The following SEPTIN2 variants were observed in gnomAD, a reference collection of about 807,000 sequenced individuals.
The protein encoded by SEPTIN2 is septin 2.
A neutral mutation model predicts 46.5 loss-of-function variants in SEPTIN2; 34 were observed. The observed-to-expected ratio is 0.73, with a 90% confidence interval of 0.56 to 0.97. SEPTIN2 has a LOEUF of 0.97. SEPTIN2 is among the 50% of genes least tolerant of loss of function. The pLI, the probability that SEPTIN2 is intolerant of heterozygous loss-of-function variation, is 0.00. For synonymous variants in SEPTIN2, 175 were observed against 153.4 expected (o/e 1.14, Z -1.04); for missense variants, 347 against 448.4 (o/e 0.77, Z 2.04).
At chr2:241,329,013 TC>T (rs1312858845) in intron 3 of SEPTIN2, among the ~76,000 whole-genome samples, 1 of 151,782 alleles carries the variant, frequency 6.6e-6, no homozygotes, top group African/African-American at 2.4e-5. Context: ...AGAGTGAAAC[TC>T]CATCTCTCAC....
chr2:241,348,794 T>C (rs2150209007), intron 11 of SEPTIN2, among the ~76,000 whole-genome samples: 1 of 152,310 alleles, frequency 6.6e-6, no homozygotes, highest in South Asian at 2.1e-4. Flanking sequence ...AATATGGAAA[T>C]ATGCTCTGTT....
intron 1 of SEPTIN2, among the ~76,000 whole-genome samples, chr2:241,321,867 G>T (rs2077182652): frequency 6.6e-6 from 1 of 151,366 alleles, no homozygotes; most frequent in Non-Finnish European, 1.5e-5. Flanking sequence ...TGTATTATTT[G>T]AAAACGAGAT....
At chr2:241,316,495 A>G (rs1575096005) in intron 1 of SEPTIN2, 2 of 1,509,220 alleles carry the variant, frequency 1.3e-6, no homozygotes, top group Non-Finnish European at 8.8e-7. Context: ...GGGGAGAGCG[A>G]CTAGGCCCTG....
In SEPTIN2 at chr2:241,348,281, G is replaced by A. The variant is rs551659619; in HGVS notation, c.984+90G>A. ...TTTGCACCATTGCCCAGGCTGGAGTGCAGTGGCGTGATCTCGGCTCACTGC... is the reference window on the plus strand; with the variant it reads ...TTTGCACCATTGCCCAGGCTGGAGTACAGTGGCGTGATCTCGGCTCACTGC... On this transcript the variant is annotated intron_variant, in intron 11 of 12. Coordinates refer to ENST00000391971, the MANE Select transcript of SEPTIN2 (RefSeq NM_004404.5). The A allele has an allele frequency of 3.8e-6, 4 of 1,048,532 alleles. No homozygotes were observed. In the Admixed American group the frequency reaches 6.1e-5, roughly 16 times the overall value. The allele number at this position is 1,048,532 out of a possible 1,614,324, so 65.0% of individuals were successfully genotyped here.
At chr2:241,328,057 AAAG>A (rs2078294115) in intron 3 of SEPTIN2, among the ~76,000 whole-genome samples, 1 of 152,090 alleles carries the variant, frequency 6.6e-6, no homozygotes, top group Admixed American at 6.5e-5. Flanking sequence ...TGTCTCAAGA[AAAG>A]AAAAAAGTAG....
At chr2:241,321,005 T>G (rs2077036054) in intron 1 of SEPTIN2, among the ~76,000 whole-genome samples, 2 of 152,196 alleles carry the variant, frequency 1.3e-5, no homozygotes, top group African/African-American at 4.8e-5. Flanking sequence ...TGGGAGTTAC[T>G]TTTCATCTTT....
intron 7 of SEPTIN2, among the ~76,000 whole-genome samples, chr2:241,341,975 C>G (rs1342936974): frequency 1.3e-5 from 2 of 152,170 alleles, no homozygotes; most frequent in African/African-American, 4.8e-5. Context: ...CAGCCCAGTT[C>G]TTTCTCCCCT....
chr2:241,317,645 A>C (rs759129592), intron 1 of SEPTIN2: 21 of 760,348 alleles, frequency 2.8e-5, no homozygotes, highest in South Asian at 1.2e-4. Flanking sequence ...CATACATGCC[A>C]CTTATCCCTG....
intron 1 of SEPTIN2, chr2:241,316,771 C>T (rs2076364340): frequency 2.4e-6 from 1 of 411,364 alleles, no homozygotes; most frequent in Non-Finnish European, 4.3e-6. Flanking sequence ...ACACACGAAC[C>T]AACTACACTG....
intron 1 of SEPTIN2, among the ~76,000 whole-genome samples, chr2:241,321,778 C>T (rs558918569): frequency 6.6e-6 from 1 of 152,014 alleles, no homozygotes; most frequent in African/African-American, 2.4e-5. Context: ...CCATATTTTT[C>T]TCTTAATTTG....
At chr2:241,350,616 A>G (rs961466704) in intron 12 of SEPTIN2, among the ~76,000 whole-genome samples, 1 of 152,248 alleles carries the variant, frequency 6.6e-6, no homozygotes, top group African/African-American at 2.4e-5. Context: ...TGTACAGATT[A>G]AAAGTAGAGA....
At chr2:241,326,213 T>A (rs1441076786) in intron 3 of SEPTIN2, 100 bp downstream of exon 3, 3 of 1,182,278 alleles carry the variant, frequency 2.5e-6, no homozygotes, top group Non-Finnish European at 3.4e-6. Flanking sequence ...GAGGAAAATT[T>A]GGCAGAGTCA....
intron 3 of SEPTIN2, among the ~76,000 whole-genome samples, chr2:241,327,190 C>T (rs1245997446): frequency 6.7e-6 from 1 of 149,128 alleles, no homozygotes; most frequent in Non-Finnish European, 1.5e-5. Context: ...GCAATAGAAA[C>T]AGATCCAGAA....
At chr2:241,318,052 TTTCACC>T (rs2076625994) in intron 1 of SEPTIN2, among the ~76,000 whole-genome samples, 1 of 152,082 alleles carries the variant, frequency 6.6e-6, no homozygotes, top group African/African-American at 2.4e-5. Context: ...ATAATTCCTC[TTTCACC>T]TTCCATTTCA....
chr2:241,344,286 C>T (rs1013034694), intron 9 of SEPTIN2, among the ~76,000 whole-genome samples: 1 of 152,212 alleles, frequency 6.6e-6, no homozygotes, highest in African/African-American at 2.4e-5. Flanking sequence ...GGCTGAGCCA[C>T]CCCTGGTGCC....
At chr2:241,320,424 C>T (rs2076963580) in intron 1 of SEPTIN2, 1 of 396,530 alleles carries the variant, frequency 2.5e-6, no homozygotes, top group African/African-American at 2.1e-5. Context: ...GTAGTCTTCT[C>T]TGTCATTATT....
At chr2:241,337,204 T>C in intron 5 of SEPTIN2, 178 bp from the exon 6 acceptor site, 1 of 593,554 alleles carries the variant, frequency 1.7e-6, no homozygotes, top group Non-Finnish European at 2.9e-6. Flanking sequence ...GCAGTTATGC[T>C]TGGCATAGTT....
At chr2:241,339,368 G>A (rs969026338) in intron 7 of SEPTIN2, among the ~76,000 whole-genome samples, 18 of 147,040 alleles carry the variant, frequency 1.2e-4, no homozygotes, top group Middle Eastern at 7.0e-3. Flanking sequence ...GCAAGACTCC[G>A]TCTCAAGAAA....
chr2:241,340,748 C>G (rs577950353), intron 7 of SEPTIN2, among the ~76,000 whole-genome samples: 1 of 152,112 alleles, frequency 6.6e-6, no homozygotes, highest in Non-Finnish European at 1.5e-5. Flanking sequence ...GCTTTTATCC[C>G]TTCCTTCTTG....
Sources: allele counts gnomAD v4.1 joint callset (sites outside exome capture counted in the v4.1 genomes callset), GRCh38; gene constraint gnomAD v4.1.1; transcripts MANE v1.5; gene names NCBI Gene and HGNC (gene_info 2026-07-23, HGNC 2026-07-21).